The following PIP5K1B variants were observed in gnomAD, a reference collection of about 807,000 sequenced individuals.
PIP5K1B encodes phosphatidylinositol-4-phosphate 5-kinase type 1 beta, also known as phosphatidylinositol 4-phosphate 5-kinase type-1 beta.
A neutral mutation model predicts 67.0 loss-of-function variants in PIP5K1B; 42 were observed. The observed-to-expected ratio is 0.63, with a 90% CI of 0.49 to 0.81. The LOEUF is 0.81. PIP5K1B is among the 30% of genes least tolerant of loss of function. The pLI is 0.00. For synonymous variants in PIP5K1B, 214 were observed against 231.4 expected (o/e 0.92, Z 0.68); for missense variants, 459 against 646.3 (o/e 0.71, Z 3.14).
At chr9:68,764,532 ACT>A (rs1830340071) in intron 2 of PIP5K1B, among the ~76,000 whole-genome samples, 1 of 151,708 alleles carries the variant, frequency 6.6e-6, no homozygotes. Flanking sequence ...TCAAGTTACT[ACT>A]GTAGGCCTTT....
In PIP5K1B at chr9:68,813,012, T is replaced by C. The variant is rs143419543; in HGVS notation, c.-85-5449T>C. Among the ~76,000 whole-genome samples the C allele has an allele frequency of 4.0e-3, 616 of 152,314 alleles. 1 individual carries two copies. The highest frequency in any genetic ancestry group is 6.6e-3 in the Non-Finnish European group (450 of 68,026). ...GAGCATCAGACTAACATGAAACTAC[T>C]CATCTACAAAGTGGGAAGTAAGCAG... On this transcript the variant is annotated intron_variant, in intron 2 of 15. Transcript: ENST00000265382.
intron 14 of PIP5K1B, among the ~76,000 whole-genome samples, chr9:68,989,933 T>C (rs1830284569): frequency 6.6e-6 from 1 of 151,544 alleles, no homozygotes; most frequent in African/African-American, 2.4e-5. Context: ...TGAGCTGAGA[T>C]CACGCCACTG....
At chr9:68,944,866 A>G (rs1439993865) in intron 14 of PIP5K1B, among the ~76,000 whole-genome samples, 5 of 152,182 alleles carry the variant, frequency 3.3e-5, no homozygotes, top group Non-Finnish European at 7.3e-5. Flanking sequence ...GATTTGTCTA[A>G]AATATCAGAA....
chr9:68,999,837 G>T (rs944751182), intron 15 of PIP5K1B, among the ~76,000 whole-genome samples: 1 of 152,220 alleles, frequency 6.6e-6, no homozygotes, highest in African/African-American at 2.4e-5. Context: ...ATCAAGGCGG[G>T]GAAGGAGTGA....
intron 1 of PIP5K1B, among the ~76,000 whole-genome samples, chr9:68,734,881 A>G (rs1023499305): frequency 2.0e-4 from 31 of 152,252 alleles, no homozygotes; most frequent in African/African-American, 7.2e-4. Context: ...ATCTGTTGAT[A>G]CTGGGCAAAT....
At chr9:68,817,196 C>G (rs558111323) in intron 2 of PIP5K1B, among the ~76,000 whole-genome samples, 2 of 152,310 alleles carry the variant, frequency 1.3e-5, no homozygotes, top group South Asian at 4.1e-4. Flanking sequence ...AGATGCCTAT[C>G]AGGTGAGCAA....
intron 5 of PIP5K1B, among the ~76,000 whole-genome samples, chr9:68,875,564 C>A (rs976636928): frequency 6.6e-6 from 1 of 152,040 alleles, no homozygotes; most frequent in Non-Finnish European, 1.5e-5. Context: ...GGCATTGATG[C>A]AAGAATCTGA....
intron 14 of PIP5K1B, chr9:68,963,257 C>T (rs1219587622): frequency 4.4e-6 from 2 of 455,534 alleles, no homozygotes; most frequent in Non-Finnish European, 8.8e-6. Context: ...AATCCCAGCA[C>T]TTTGCGAGGC....
chr9:68,737,956 G>A (rs948073926), intron 1 of PIP5K1B, among the ~76,000 whole-genome samples: 5 of 152,148 alleles, frequency 3.3e-5, no homozygotes, highest in Non-Finnish European at 5.9e-5. Flanking sequence ...GTCTCCTTAC[G>A]CACATAATAG....
intron 2 of PIP5K1B, among the ~76,000 whole-genome samples, chr9:68,813,493 G>A (rs562948541): frequency 6.6e-6 from 1 of 152,176 alleles, no homozygotes; most frequent in Non-Finnish European, 1.5e-5. Context: ...GCAAGCACTG[G>A]CACACAGTTT....
At chr9:68,836,854 G>A (rs765446904) in intron 4 of PIP5K1B, among the ~76,000 whole-genome samples, 26 of 152,214 alleles carry the variant, frequency 1.7e-4, no homozygotes, top group Non-Finnish European at 3.1e-4. Context: ...TTGGCCCTCA[G>A]AGTCCCTAGT....
At chr9:68,888,854 C>G in intron 6 of PIP5K1B, 127 bp from the exon 7 acceptor site, 1 of 615,124 alleles carries the variant, frequency 1.6e-6, no homozygotes, top group Non-Finnish European at 2.8e-6. Flanking sequence ...CGTGGAGCCT[C>G]TTTTAAAGCC....
chr9:68,928,970 C>A (rs777382848), intron 12 of PIP5K1B, among the ~76,000 whole-genome samples: 3 of 152,116 alleles, frequency 2.0e-5, no homozygotes, highest in Non-Finnish European at 4.4e-5. Context: ...CGAGACCAGC[C>A]TGACCAACGT....
At chr9:68,798,716 T>C (rs1832428692) in intron 2 of PIP5K1B, among the ~76,000 whole-genome samples, 2 of 152,174 alleles carry the variant, frequency 1.3e-5, no homozygotes, top group African/African-American at 4.8e-5. Context: ...TCTAATGCCA[T>C]AAGAAGACAT....
chr9:68,871,809 C>T (rs567665314), intron 5 of PIP5K1B, among the ~76,000 whole-genome samples: 1 of 152,134 alleles, frequency 6.6e-6, no homozygotes, highest in South Asian at 2.1e-4. Flanking sequence ...TTTTACTGGC[C>T]CATGGGATCC....
At chr9:68,943,398 A>G (rs1827654329) in intron 14 of PIP5K1B, among the ~76,000 whole-genome samples, 1 of 152,196 alleles carries the variant, frequency 6.6e-6, no homozygotes, top group Non-Finnish European at 1.5e-5. Flanking sequence ...AAAAAATCTT[A>G]AAGACAACAG....
intron 2 of PIP5K1B, among the ~76,000 whole-genome samples, chr9:68,785,789 A>G (rs1266148565): frequency 6.6e-6 from 1 of 152,166 alleles, no homozygotes; most frequent in Non-Finnish European, 1.5e-5. Flanking sequence ...GTTCGTACAC[A>G]ATGTGCTTAC....
chr9:69,005,523 T>C (rs995851484), intron 15 of PIP5K1B, among the ~76,000 whole-genome samples: 3 of 152,142 alleles, frequency 2.0e-5, no homozygotes, highest in Non-Finnish European at 2.9e-5. Flanking sequence ...ATTACAGGCA[T>C]GCGCCACCAC....
chr9:68,745,619 G>A (rs923176843), intron 2 of PIP5K1B, among the ~76,000 whole-genome samples: 4 of 152,094 alleles, frequency 2.6e-5, no homozygotes, highest in Admixed American at 1.3e-4. Flanking sequence ...TTCCTCTCCT[G>A]CCCTCCATCC....
Sources: allele counts gnomAD v4.1 joint callset (sites outside exome capture counted in the v4.1 genomes callset), GRCh38; gene constraint gnomAD v4.1.1; transcripts MANE v1.5; gene names NCBI Gene and HGNC (gene_info 2026-07-23, HGNC 2026-07-21).